DIP2C: variants seen among roughly 807,000 people sequenced by gnomAD.
DIP2C encodes DIP2 acetate--CoA ligase C (putative).
Under a neutral mutation model 192.4 loss-of-function variants are expected in DIP2C, and 33 were observed. The ratio of observed to expected loss-of-function variants is 0.17; its 90% CI spans 0.13 to 0.23. DIP2C has a LOEUF of 0.23. Ranked by LOEUF, DIP2C falls within the 10% of genes least tolerant of loss-of-function variation. The pLI, the probability that DIP2C is intolerant of heterozygous loss-of-function variation, is 1.00. For missense variants in DIP2C, 1,537 were observed against 2,110.1 expected (o/e 0.73, Z 5.32); for synonymous variants, 979 against 864.1 (o/e 1.13, Z -2.33).
chr10:640,969 C>T (rs1855162786), intron 1 of DIP2C, among the ~76,000 whole-genome samples: 1 of 152,124 alleles, frequency 6.6e-6, no homozygotes, highest in African/African-American at 2.4e-5. Context: ...GCTGTGGACA[C>T]GTGTGAATAT....
intron 32 of DIP2C, among the ~76,000 whole-genome samples, chr10:292,230 G>C (rs1191423712): frequency 6.6e-6 from 1 of 152,178 alleles, no homozygotes; most frequent in Admixed American, 6.5e-5. Context: ...TCGGCTCCAC[G>C]AACCATTACT....
At chr10:450,300 C>A (rs1968749241) in intron 3 of DIP2C, among the ~76,000 whole-genome samples, 1 of 151,978 alleles carries the variant, frequency 6.6e-6, no homozygotes, top group African/African-American at 2.4e-5. Context: ...TGATGTGGAC[C>A]CGACACAAGA....
chr10:441,320 A>C (rs1342591238), intron 3 of DIP2C: 1 of 282,698 alleles, frequency 3.5e-6, no homozygotes, highest in Non-Finnish European at 6.8e-6. Context: ...TCGAGCCTCC[A>C]AATCCTTTCA....
At chr10:288,234 A>T in intron 33 of DIP2C, 130 bp downstream of exon 33, 2 of 884,048 alleles carry the variant, frequency 2.3e-6, no homozygotes, top group Non-Finnish European at 3.6e-6. Flanking sequence ...TTCTATACTC[A>T]CTGATATGTT....
At chr10:350,948 G>A (rs1159091382) in intron 24 of DIP2C, among the ~76,000 whole-genome samples, 1 of 152,146 alleles carries the variant, frequency 6.6e-6, no homozygotes, top group Non-Finnish European at 1.5e-5. Flanking sequence ...GCCCAGCCCA[G>A]GAATTCTTAT....
chr10:441,488 T>A (rs936470863), intron 3 of DIP2C, among the ~76,000 whole-genome samples: 3 of 152,188 alleles, frequency 2.0e-5, no homozygotes, highest in Non-Finnish European at 4.4e-5. Context: ...CTCCCAGAAT[T>A]CCCATGTGTT....
At chr10:531,611 C>T (rs904051686) in intron 1 of DIP2C, among the ~76,000 whole-genome samples, 7 of 152,140 alleles carry the variant, frequency 4.6e-5, no homozygotes, top group Non-Finnish European at 7.3e-5. Flanking sequence ...AAAGGCCGAG[C>T]TCGGGAAAGG....
chr10:503,928 C>T (rs1479845205), intron 1 of DIP2C, among the ~76,000 whole-genome samples: 4 of 152,190 alleles, frequency 2.6e-5, no homozygotes, highest in African/African-American at 4.8e-5. Context: ...ATTCCAAGTC[C>T]AAAGACTCAT....
At chr10:534,834 G>T (rs558704508) in intron 1 of DIP2C, among the ~76,000 whole-genome samples, 17 of 151,738 alleles carry the variant, frequency 1.1e-4, no homozygotes, top group Non-Finnish European at 2.2e-4. Flanking sequence ...CTGCCACCGC[G>T]CCCGGCTAAT....
intron 22 of DIP2C, among the ~76,000 whole-genome samples, chr10:361,651 A>C (rs546446740): frequency 2.8e-4 from 42 of 152,192 alleles, no homozygotes; most frequent in Admixed American, 6.5e-4. Context: ...TTCGGAGTTT[A>C]CAATGAGGAT....
chr10:362,044 C>A (rs1465710644), intron 22 of DIP2C, among the ~76,000 whole-genome samples: 3 of 150,720 alleles, frequency 2.0e-5, no homozygotes, highest in Non-Finnish European at 2.9e-5. Context: ...ACACCAGAGA[C>A]CATGAGAACA....
intron 3 of DIP2C, among the ~76,000 whole-genome samples, chr10:456,649 C>A (rs1564735168): frequency 6.6e-6 from 1 of 152,252 alleles, no homozygotes; most frequent in Non-Finnish European, 1.5e-5. Context: ...AGAGGCCAGA[C>A]GAGACAGGCT....
chr10:612,711 TAG>T (rs1434274189), intron 1 of DIP2C, among the ~76,000 whole-genome samples: 1 of 152,168 alleles, frequency 6.6e-6, no homozygotes, highest in Admixed American at 6.5e-5. Context: ...CGACTGTGTC[TAG>T]AGAGCTCTGT....
chr10:511,177 T>C lies in DIP2C; in HGVS notation c.86-24647A>G, dbSNP rs950449229. Among the ~76,000 whole-genome samples the C allele has an allele frequency of 3.9e-5, 6 of 152,214 alleles. No homozygotes were observed. The East Asian group carries it at 7.7e-4, about 20-fold the overall frequency. ...CACGCTGAACACACTGTCGCGATGC[T>C]GCTTGGCCAGCCAGCAGGGGGCAGG... On this transcript the variant is annotated intron_variant, in intron 1 of 36. Transcript: ENST00000280886.
chr10:345,501 CGGAAACCCCACAAACACCCA>C (rs1564590088), intron 26 of DIP2C, among the ~76,000 whole-genome samples: 7 of 64,750 alleles, frequency 1.1e-4, no homozygotes, highest in African/African-American at 3.7e-4. Context: ...ACAGTTCTCC[CGGAAACCCCACAAACACCCA>C]TCCCAGACAC....
chr10:512,041 C>T (rs376601211), intron 1 of DIP2C, among the ~76,000 whole-genome samples: 5 of 152,292 alleles, frequency 3.3e-5, no homozygotes, highest in Admixed American at 6.5e-5. Flanking sequence ...ACGTTAGGGT[C>T]GCCCACAGAC....
chr10:466,460 A>C (rs1042684869), intron 3 of DIP2C, among the ~76,000 whole-genome samples: 2 of 140,556 alleles, frequency 1.4e-5, no homozygotes, highest in Non-Finnish European at 3.1e-5. Context: ...AGGCATTACC[A>C]TTCAGGACAT....
At chr10:436,805 G>A (rs527721967) in intron 4 of DIP2C, among the ~76,000 whole-genome samples, 2 of 131,856 alleles carry the variant, frequency 1.5e-5, no homozygotes, top group Non-Finnish European at 3.2e-5. Context: ...TCCGCCTCCT[G>A]GACATGGTAG....
chr10:477,920 G>A (rs1435870108), intron 2 of DIP2C, among the ~76,000 whole-genome samples: 2 of 110,458 alleles, frequency 1.8e-5, no homozygotes, highest in Admixed American at 2.0e-4. Context: ...GAAAAGACAG[G>A]AAAAGAGAGG....
Sources: gnomAD v4.1 joint callset for allele counts (sites outside exome capture counted in the v4.1 genomes callset) on GRCh38, gnomAD v4.1.1 for gene constraint, MANE v1.5 for transcripts, NCBI Gene and HGNC (gene_info 2026-07-23, HGNC 2026-07-21) for gene names.